The following MTMR2 variants were observed in gnomAD, a reference collection of about 807,000 sequenced individuals.
MTMR2 encodes myotubularin related protein 2.
A neutral mutation model predicts 86.9 loss-of-function variants in MTMR2; 55 were observed. That is an observed-to-expected ratio of 0.63 (90% CI 0.51 to 0.79). The LOEUF is 0.79. Among genes scored for constraint, MTMR2 ranks in the 30% least tolerant of loss-of-function variants. The pLI, the probability that MTMR2 is intolerant of heterozygous loss-of-function variation, is 0.00. For synonymous variants in MTMR2, 241 were observed against 266.8 expected (o/e 0.90, Z 0.94); for missense variants, 659 against 772.3 (o/e 0.85, Z 1.74).
chr11:95,914,105 TG>T (rs1866614268), intron 1 of MTMR2: 1 of 800,472 alleles, frequency 1.2e-6, no homozygotes, highest in Non-Finnish European at 1.5e-6. Flanking sequence ...GACAGGGACT[TG>T]GAAATGGAAC....
chr11:95,919,656 C>T (rs973478337), intron 1 of MTMR2, among the ~76,000 whole-genome samples: 2 of 152,064 alleles, frequency 1.3e-5, no homozygotes, highest in Admixed American at 6.5e-5. Context: ...GGACTGGGCA[C>T]AGAACAGTAA....
intron 1 of MTMR2, among the ~76,000 whole-genome samples, chr11:95,905,358 C>T (rs1347294715): frequency 6.6e-6 from 1 of 151,874 alleles, no homozygotes; most frequent in Non-Finnish European, 1.5e-5. Context: ...CACACACACA[C>T]ACACACACAC....
chr11:95,845,919 A>G (rs976362920), intron 10 of MTMR2, among the ~76,000 whole-genome samples: 2 of 147,762 alleles, frequency 1.4e-5, no homozygotes, highest in Non-Finnish European at 3.0e-5. Flanking sequence ...ATACAGCCCT[A>G]TTCTTCTCTG....
At position 95,858,494 on chromosome 11, in the gene MTMR2, T is replaced by A. The variant is rs369741008; in HGVS notation, c.570+37A>T. ...AGTTTCTTTATACGACATCAATAATTATAGCACAAATTTTCCAAAGACAGG... is the reference window on the plus strand; with the variant it reads ...AGTTTCTTTATACGACATCAATAATAATAGCACAAATTTTCCAAAGACAGG... On this transcript the variant is annotated intron_variant, in intron 6 of 14. Transcript: ENST00000346299. 16 of 1,383,534 alleles carry A rather than the reference T, an allele frequency of 1.2e-5. No individual in the cohort carries two copies. The African/African-American group carries it at 1.7e-4, about 15-fold the overall frequency. 85.7% of individuals were successfully genotyped at this position (1,383,534 alleles called of 1,614,324 possible). A position where few individuals can be genotyped will look rare whatever the true frequency, so the allele number is the denominator to read the frequency against.
chr11:95,836,196 CT>C lies in MTMR2; in HGVS notation c.1721del (p.Glu574GlyfsTer8). On this transcript the variant is annotated frameshift_variant, in exon 14 of 15. Transcript: ENST00000346299. LOFTEE classifies it high-confidence loss of function. ...LYPVASMRHL[E>X]LWVGYYIRWN... ...ACCTTATGTAATATCCCACCCAGAG[CT>C]CTAGGTGGCGCATGCTGGCTACTGG... The C allele has an allele frequency of 6.2e-7, 1 of 1,612,970 alleles. No homozygotes were observed.
intron 1 of MTMR2, among the ~76,000 whole-genome samples, chr11:95,904,178 T>A (rs1866173136): frequency 6.6e-6 from 1 of 152,000 alleles, no homozygotes; most frequent in African/African-American, 2.4e-5. Context: ...TTAAACTCTA[T>A]CTCCTCTTGT....
intron 1 of MTMR2, among the ~76,000 whole-genome samples, chr11:95,909,312 T>C (rs1334865260): frequency 1.3e-5 from 2 of 152,158 alleles, no homozygotes; most frequent in Admixed American, 6.6e-5. Context: ...TGTTGTTTCA[T>C]GTAGATTTTG....
intron 7 of MTMR2, 116 bp from the exon 8 acceptor site, chr11:95,850,865 G>T: frequency 1.1e-6 from 1 of 938,672 alleles, no homozygotes; most frequent in Non-Finnish European, 1.7e-6. Context: ...CTCCTAAAGT[G>T]TTGGGATAGT....
At chr11:95,919,126 C>T (rs1866818163) in intron 1 of MTMR2, among the ~76,000 whole-genome samples, 1 of 150,494 alleles carries the variant, frequency 6.6e-6, no homozygotes, top group South Asian at 2.1e-4. Context: ...GCGTTAGCTA[C>T]TGCACCTGGC....
chr11:95,905,269 TTC>T (rs1866213413), intron 1 of MTMR2, among the ~76,000 whole-genome samples: 1 of 151,618 alleles, frequency 6.6e-6, no homozygotes, highest in African/African-American at 2.4e-5. Context: ...AGCCTCACAG[TTC>T]TCTGATGTGA....
At chr11:95,919,870 T>C (rs1226178426) in intron 1 of MTMR2, among the ~76,000 whole-genome samples, 3 of 152,188 alleles carry the variant, frequency 2.0e-5, no homozygotes, top group Admixed American at 6.5e-5. Flanking sequence ...TATCTTACCA[T>C]TTGATTATGC....
At chr11:95,854,816 T>C (rs371997087) in intron 7 of MTMR2, among the ~76,000 whole-genome samples, 6 of 151,772 alleles carry the variant, frequency 4.0e-5, no homozygotes, top group African/African-American at 1.5e-4. Flanking sequence ...TTTTTCCTTT[T>C]TGTTTTTTTT....
intron 1 of MTMR2, among the ~76,000 whole-genome samples, chr11:95,904,212 A>T (rs1866173816): frequency 6.6e-6 from 1 of 152,164 alleles, no homozygotes; most frequent in African/African-American, 2.4e-5. Context: ...TCTCTCCAGC[A>T]ATTCTCTCCT....
chr11:95,923,821 G>A, intron 1 of MTMR2, 54 bp downstream of exon 1: 1 of 1,541,996 alleles, frequency 6.5e-7, no homozygotes, highest in South Asian at 1.2e-5. Context: ...GCAGGTCCCC[G>A]GCCCCTCTCC....
chr11:95,915,553 C>A (rs182278965), intron 1 of MTMR2, among the ~76,000 whole-genome samples: 10 of 152,246 alleles, frequency 6.6e-5, no homozygotes, highest in African/African-American at 2.4e-4. Context: ...GATGTCTCCG[C>A]ATTTTTAATA....
chr11:95,891,449 CAA>C (rs35505103), intron 1 of MTMR2, among the ~76,000 whole-genome samples: 5 of 137,464 alleles, frequency 3.6e-5, no homozygotes, highest in Admixed American at 1.5e-4. Context: ...AGACTCTCAC[CAA>C]AAAAAAAAAA....
Position 95,888,101 on chromosome 11 carries a change from G to A in MTMR2, c.186+55C>T, listed in dbSNP as rs530826125. 1.9e-5 allele frequency: 25 copies of A among 1,285,330 alleles called. No homozygotes were observed. In the African/African-American group the frequency reaches 2.8e-4, roughly 14 times the overall value. The allele number at this position is 1,285,330 out of a possible 1,614,324, so 79.6% of individuals were successfully genotyped here. On this transcript the variant is annotated intron_variant, in intron 2 of 14. Coordinates refer to ENST00000346299, the MANE Select transcript of MTMR2 (RefSeq NM_016156.6). ...TAAATTAGTTATATTGATAGTGTTG[G>A]CCACAAATATTTAACAGAAAGTACT...
rs143432500 is a variant in MTMR2 at position 95,834,200 on chromosome 11, A to C, written c.*1090T>G. 2.6e-5 allele frequency: 4 copies of C among 152,654 alleles called. No homozygotes were observed. Among genetic ancestry groups the C allele is most frequent in the African/African-American group, 9.6e-5 (4 of 41,568 alleles). 9.5% of individuals were successfully genotyped at this position (152,654 alleles called of 1,614,324 possible). On this transcript the variant is annotated 3_prime_UTR_variant, in exon 15 of 15. Transcript: ENST00000346299. ...TTATGTAGAATAAAATAGACATCAG[A>C]GTCAAATGTTTCTACCAGCACCAAA...
At position 95,855,270 on chromosome 11, in the gene MTMR2, T is replaced by C. The variant is rs545569445; in HGVS notation, c.654+2282A>G. On this transcript the variant is annotated intron_variant, in intron 7 of 14. Coordinates refer to ENST00000346299, the MANE Select transcript of MTMR2 (RefSeq NM_016156.6). ...GTCCATTTTTATTTATTTACTTATT[T>C]TTTGAGACATGGCATCTCACTATTG... Among the ~76,000 whole-genome samples, 3 of 152,322 alleles carry C rather than the reference T, an allele frequency of 2.0e-5. No individual in the cohort carries two copies. The South Asian group carries it at 6.2e-4, about 32-fold the overall frequency.
Sources: allele counts gnomAD v4.1 joint callset (sites outside exome capture counted in the v4.1 genomes callset), GRCh38; gene constraint gnomAD v4.1.1; transcripts MANE v1.5; gene names NCBI Gene and HGNC (gene_info 2026-07-23, HGNC 2026-07-21).